Variants in NRP2 observed in about 807,000 individuals in gnomAD.
NRP2 encodes neuropilin-2.
In NRP2, 52 loss-of-function variants were observed where a neutral mutation model predicts 110.4. The observed-to-expected ratio is 0.47, with a 90% CI of 0.38 to 0.59. NRP2 has a LOEUF of 0.59. NRP2 is among the 20% of genes least tolerant of loss of function. NRP2 has a pLI of 0.00. For synonymous variants in NRP2, 508 were observed against 468.9 expected (o/e 1.08, Z -1.08); for missense variants, 1,049 against 1,203.0 (o/e 0.87, Z 1.89).
chr2:205,711,917 G>A (rs762669602), intron 2 of NRP2, among the ~76,000 whole-genome samples: 16 of 152,184 alleles, frequency 1.1e-4, no homozygotes, highest in Admixed American at 2.0e-4. Context: ...AGTGTCAAGC[G>A]TGGAGACAGT....
At chr2:205,694,938 G>A (rs2056391984) in intron 1 of NRP2, among the ~76,000 whole-genome samples, 1 of 152,188 alleles carries the variant, frequency 6.6e-6, no homozygotes. Context: ...ATATATGTTT[G>A]TGCAAATGAT....
In NRP2 at chr2:205,686,218, C is replaced by CCCTCCTCCT. The variant is rs147331324; in HGVS notation, c.73+2868_73+2876dup. 1.3e-5 allele frequency among the ~76,000 whole-genome samples: 2 copies of CCCTCCTCCT among 151,896 alleles called. No individual in the cohort carries two copies. The highest frequency in any genetic ancestry group is 2.1e-4 in the South Asian group (1 of 4,808). On this transcript the variant is annotated intron_variant, in intron 1 of 16. Coordinates refer to ENST00000357785, the MANE Select transcript of NRP2 (RefSeq NM_003872.3). The surrounding 1 kb of genome is among the most constrained non-coding windows in gnomAD (Gnocchi z 4.7). ...CGCCTCCAACTACTCCATGCTTGTG[C>CCCTCCTCCT]CCTCCTCCTCCTCCTCCTCCTAAGG...
At chr2:205,714,193 T>C (rs769589377) in intron 2 of NRP2, among the ~76,000 whole-genome samples, 9 of 152,206 alleles carry the variant, frequency 5.9e-5, no homozygotes, top group Non-Finnish European at 1.2e-4. Context: ...AGGAGAAGAC[T>C]GTAATATCCC....
At chr2:205,688,618 T>A (rs1189083262) in intron 1 of NRP2, among the ~76,000 whole-genome samples, 1 of 152,114 alleles carries the variant, frequency 6.6e-6, no homozygotes, top group African/African-American at 2.4e-5. Context: ...AAGGCTGAGC[T>A]CCGATCCTCT....
chr2:205,735,078 C>T (rs2057319154), intron 7 of NRP2, among the ~76,000 whole-genome samples: 1 of 152,156 alleles, frequency 6.6e-6, no homozygotes, highest in Non-Finnish European at 1.5e-5. Context: ...AACAGCCAGC[C>T]GTGTCTCTCC....
intron 15 of NRP2, among the ~76,000 whole-genome samples, chr2:205,782,607 T>C: frequency 6.6e-6 from 1 of 152,204 alleles, no homozygotes; most frequent in Non-Finnish European, 1.5e-5. Flanking sequence ...TATGTTCATG[T>C]TGAGTTATGT....
chr2:205,716,477 C>A, intron 3 of NRP2, 103 bp downstream of exon 3: 1 of 1,205,718 alleles, frequency 8.3e-7, no homozygotes, highest in Non-Finnish European at 1.2e-6. Flanking sequence ...ACAGTGTCAT[C>A]CAGCTTGAGC....
rs13032394 is a variant in NRP2 at position 205,759,090 on chromosome 2, C to G, written c.2045-4584C>G. Among the ~76,000 whole-genome samples the G allele has an allele frequency of 3.9e-5, 6 of 152,130 alleles. No individual in the cohort carries two copies. The East Asian group carries it at 7.7e-4, about 20-fold the overall frequency. On this transcript the variant is annotated intron_variant, in intron 12 of 16. Coordinates refer to ENST00000357785, the MANE Select transcript of NRP2 (RefSeq NM_003872.3). ...CAATATCTATGTGTGGGTGCCATGA[C>G]TTAAAAGAGCTGAAGCATTTATAAT...
intron 3 of NRP2, among the ~76,000 whole-genome samples, chr2:205,718,499 T>G (rs1173975282): frequency 1.3e-5 from 2 of 151,968 alleles, no homozygotes; most frequent in African/African-American, 4.8e-5. Context: ...GGTTGCCTAG[T>G]GAAGAGATTG....
At chr2:205,773,560 G>A (rs576024706) in intron 15 of NRP2, among the ~76,000 whole-genome samples, 1 of 152,198 alleles carries the variant, frequency 6.6e-6, no homozygotes, top group Non-Finnish European at 1.5e-5. Flanking sequence ...TGTCTTTCAA[G>A]TAGAGCAGGA....
At chr2:205,777,496 C>T (rs3732088) in intron 15 of NRP2, 20,624 of 152,028 alleles carry the variant, frequency 0.14, 1,533 homozygotes, top group Admixed American at 0.16. Flanking sequence ...CTGGGACTGA[C>T]GTAGGAAAAA....
intron 15 of NRP2, chr2:205,767,121 G>A (rs2057936333): frequency 4.4e-6 from 2 of 450,144 alleles, no homozygotes; most frequent in Non-Finnish European, 8.0e-6. Flanking sequence ...TGGTGAGAAA[G>A]GAGAGACTGT....
intron 1 of NRP2, among the ~76,000 whole-genome samples, chr2:205,684,962 TGG>T (rs779374018): frequency 3.3e-5 from 5 of 152,220 alleles, no homozygotes; most frequent in African/African-American, 4.8e-5. Flanking sequence ...GCGCACACAC[TGG>T]CACTCACACT....
chr2:205,738,489 C>T (rs2057384812), intron 7 of NRP2, among the ~76,000 whole-genome samples: 1 of 152,178 alleles, frequency 6.6e-6, no homozygotes, highest in African/African-American at 2.4e-5. Flanking sequence ...GTTCCCCATC[C>T]CTTTCCTGAG....
At chr2:205,775,999 C>T (rs1268509172) in intron 15 of NRP2, 1 of 683,524 alleles carries the variant, frequency 1.5e-6, no homozygotes, top group South Asian at 1.5e-5. Context: ...CTTAACCTCT[C>T]TCCACCTCTG....
In NRP2 at chr2:205,754,399, C is replaced by G. The variant is rs370040364; in HGVS notation, c.2044+1424C>G. 4.6e-5 allele frequency among the ~76,000 whole-genome samples: 7 copies of G among 152,292 alleles called. 1 individual carries two copies. The highest frequency in any genetic ancestry group is 7.2e-5 in the African/African-American group (3 of 41,552). ...CCACACTTGCTTCCCTGGAGGGTCACAGTGCCTGATCCGGAGAAAAACATT... is the reference window on the plus strand; with the variant it reads ...CCACACTTGCTTCCCTGGAGGGTCAGAGTGCCTGATCCGGAGAAAAACATT... On this transcript the variant is annotated intron_variant, in intron 12 of 16. Coordinates refer to ENST00000357785, the MANE Select transcript of NRP2 (RefSeq NM_003872.3).
rs373293204 is a variant in NRP2, at chr2:205,713,983, G to A, written c.252-2210G>A. 3.2e-3 allele frequency among the ~76,000 whole-genome samples: 482 copies of A among 152,290 alleles called. 2 individuals are homozygous for A. The highest frequency in any genetic ancestry group is 6.8e-3 in the Middle Eastern group (2 of 294). Reference sequence around the variant, plus strand: ...GTTTGAACAGATTTCCATTCCCGCTGATACTACACCTCTGCTCATTTGTTC... The same window carrying A: ...GTTTGAACAGATTTCCATTCCCGCTAATACTACACCTCTGCTCATTTGTTC... On this transcript the variant is annotated intron_variant, in intron 2 of 16. Transcript: ENST00000357785.
rs1575693236 is a variant in NRP2, at chr2:205,795,818, G to A, written c.*760G>A. On this transcript the variant is annotated 3_prime_UTR_variant, in exon 17 of 17. Transcript: ENST00000357785. ...AAATCCATAGAAGCGCCTGGACGAGGCTTAAAGTGCTTTGTGAGTGAATAG... is the reference window on the plus strand; with the variant it reads ...AAATCCATAGAAGCGCCTGGACGAGACTTAAAGTGCTTTGTGAGTGAATAG... 6.6e-6 allele frequency: 1 copy of A among 152,650 alleles called. No individual in the cohort carries two copies. Among genetic ancestry groups the A allele is most frequent in the Non-Finnish European group, 1.5e-5 (1 of 68,036 alleles). The allele number at this position is 152,650 out of a possible 1,614,324, so 9.5% of individuals were successfully genotyped here.
At chr2:205,745,611 G>A (rs745433041) in intron 9 of NRP2, 135 bp from the exon 10 acceptor site, 4 of 932,006 alleles carry the variant, frequency 4.3e-6, no homozygotes, top group Non-Finnish European at 6.8e-6. Context: ...GAATGTCCCA[G>A]TGACCAGGAA....
Sources: gnomAD v4.1 joint callset for allele counts (sites outside exome capture counted in the v4.1 genomes callset) on GRCh38, gnomAD v4.1.1 for gene constraint, Gnocchi (gnomAD v3.1) non-coding constraint, MANE v1.5 for transcripts, NCBI Gene and HGNC (gene_info 2026-07-23, HGNC 2026-07-21) for gene names.